Variants in WDR86 observed in about 807,000 individuals in gnomAD.
The protein encoded by WDR86 is WD repeat-containing protein 86.
A neutral mutation model predicts 36.5 loss-of-function variants in WDR86; 30 were observed. The ratio of observed to expected loss-of-function variants is 0.82; its 90% confidence interval spans 0.61 to 1.11. WDR86 has a LOEUF of 1.11. WDR86 is among the 50% of genes most tolerant of loss of function. The pLI, the probability that WDR86 is intolerant of heterozygous loss-of-function variation, is 0.00. For missense variants in WDR86, 545 were observed against 561.2 expected (o/e 0.97, Z 0.29); for synonymous variants, 255 against 252.9 (o/e 1.01, Z -0.08).
chr7:151,387,496 C>T lies in WDR86; in HGVS notation c.727-2273G>A, dbSNP rs540819399. Among the ~76,000 whole-genome samples, 38 of 152,196 alleles carry T rather than the reference C, an allele frequency of 2.5e-4. No individual in the cohort carries two copies. In the East Asian group the frequency reaches 5.2e-3, roughly 21 times the overall value. Reference sequence around the variant, plus strand: ...TGGTTTCCTGACAGGACAGGGAGAGCGGGGTGGCCCAGGGAGGCCTGAGCC... The same window carrying T: ...TGGTTTCCTGACAGGACAGGGAGAGTGGGGTGGCCCAGGGAGGCCTGAGCC... On this transcript the variant is annotated intron_variant, in intron 3 of 5. Transcript: ENST00000334493.
Position 151,381,770 on chromosome 7 carries a change from ACCGGTGACGCGGTAG to A in WDR86, c.967-39_967-25del, listed in dbSNP as rs1262316003. The A allele has an allele frequency of 4.2e-6, 6 of 1,418,412 alleles. No homozygotes were observed. In the East Asian group the frequency reaches 1.1e-4, roughly 26 times the overall value. The allele number at this position is 1,418,412 out of a possible 1,614,324, so 87.9% of individuals were successfully genotyped here. On this transcript the variant is annotated intron_variant, in intron 5 of 5. Coordinates refer to ENST00000334493, the MANE Select transcript of WDR86 (RefSeq NM_198285.3). This position sits in a 1 kb window ranked among gnomAD's most constrained non-coding sequence, Gnocchi z 4.8. ...ACCTGCGGGCGCAGGGGCGGGCGTC[ACCGGTGACGCGGTAG>A]GCGGGGGGGACACCGCTGCCCGCGT...
downstream of WDR86, chr7:151,376,687 C>G: frequency 1.9e-6 from 3 of 1,611,090 alleles, no homozygotes; most frequent in East Asian, 4.5e-5. Flanking sequence ...TGAGAGTGTT[C>G]AGAGGCAACG....
downstream of WDR86, among the ~76,000 whole-genome samples, chr7:151,378,652 G>C (rs1018908387): frequency 1.3e-5 from 2 of 152,192 alleles, no homozygotes; most frequent in Non-Finnish European, 2.9e-5. Context: ...GGTGCATCCT[G>C]GGCAGGGGAC....
chr7:151,394,517 G>T (rs748112020), intron 3 of WDR86, among the ~76,000 whole-genome samples: 2 of 152,190 alleles, frequency 1.3e-5, no homozygotes, highest in African/African-American at 4.8e-5. Flanking sequence ...CGCAGGGGTC[G>T]GACCTGCCCT....
downstream of WDR86, among the ~76,000 whole-genome samples, chr7:151,375,252 T>C (rs1798162212): frequency 6.6e-6 from 1 of 152,220 alleles, no homozygotes; most frequent in South Asian, 2.1e-4. Flanking sequence ...TATCATCTAG[T>C]TCGTTTTTTT....
Position 151,381,339 on chromosome 7 carries a change from G to A in WDR86, c.*243C>T, listed in dbSNP as rs1224017690. The A allele has an allele frequency of 2.9e-6, 4 of 1,388,498 alleles. No individual in the cohort carries two copies. The highest frequency in any genetic ancestry group is 3.7e-6 in the Non-Finnish European group (4 of 1,079,452). 86.0% of individuals were successfully genotyped at this position (1,388,498 alleles called of 1,614,324 possible). On this transcript the variant is annotated 3_prime_UTR_variant, in exon 6 of 6. Transcript: ENST00000334493. This position sits in a 1 kb window ranked among gnomAD's most constrained non-coding sequence, Gnocchi z 4.8. ...GGCCTTTCGCCAGGTCAGGGATGGG[G>A]AGGGAGGACAGGAGCCACCCTAAAA...
At position 151,391,862 on chromosome 7, in the gene WDR86, C is replaced by CGTGAGAGAG. The variant is rs146331732; in HGVS notation, c.726+3913_726+3914insCTCTCTCAC. ...CCCCAGCCCCGCCCCTCCCACGCAC[C>CGTGAGAGAG]GTGAGGCTGACACCTCATCCCACCC... On this transcript the variant is annotated intron_variant, in intron 3 of 5. Coordinates refer to ENST00000334493, the MANE Select transcript of WDR86 (RefSeq NM_198285.3). 1.9e-3 allele frequency among the ~76,000 whole-genome samples: 109 copies of CGTGAGAGAG among 58,808 alleles called. 2 individuals carry two copies. The highest frequency in any genetic ancestry group is 0.018 in the South Asian group (46 of 2,496). 38.6% of individuals were successfully genotyped at this position (58,808 alleles called of 152,430 possible).
intron 4 of WDR86, among the ~76,000 whole-genome samples, chr7:151,383,658 A>G (rs550633674): frequency 6.6e-6 from 1 of 152,304 alleles, no homozygotes; most frequent in East Asian, 1.9e-4. Context: ...GAATGGCCCC[A>G]GAGGGGAAGT....
rs1294687214 is a variant in WDR86, at chr7:151,396,119, T to C, written c.383A>G (p.Gln128Arg). ...TARVWSVDKG[Q>R]MSREFRGHRN... Reference sequence around the variant, plus strand: ...GTGGCCCCGGAACTCCCGGGACATCTGCCCCTTGTCCACACTCCAGACCCG... The same window carrying C: ...GTGGCCCCGGAACTCCCGGGACATCCGCCCCTTGTCCACACTCCAGACCCG... Residue 128 changes from glutamine (Q) to arginine (R), a missense_variant, in exon 3 of 6, where the codon CAG becomes CGG. Physicochemically the swap from Gln to Arg is conservative, Grantham distance 43. Transcript: ENST00000334493. 1.9e-6 allele frequency: 3 copies of C among 1,612,880 alleles called. No homozygotes were observed. Among genetic ancestry groups the C allele is most frequent in the Admixed American group, 1.7e-5 (1 of 60,022 alleles).
Position 151,409,623 on chromosome 7 carries a change from C to A in WDR86, c.-34G>T, listed in dbSNP as rs1801050515. 8.2e-6 allele frequency: 11 copies of A among 1,348,276 alleles called. No homozygotes were observed. The highest frequency in any genetic ancestry group is 1.5e-5 in the African/African-American group (1 of 65,008). The allele number at this position is 1,348,276 out of a possible 1,614,324, so 83.5% of individuals were successfully genotyped here. On this transcript the variant is annotated 5_prime_UTR_variant, in exon 1 of 6. Transcript: ENST00000334493. This position sits in a 1 kb window ranked among gnomAD's most constrained non-coding sequence, Gnocchi z 5.2. ...CAGGGCGGGGAACAAGAAGGAGCTG[C>A]GCCCCGCTAGGGAGGGGCGCCCCGG...
chr7:151,397,658 GGCATAGC>G (rs1799932464), intron 2 of WDR86, among the ~76,000 whole-genome samples: 1 of 27,052 alleles, frequency 3.7e-5, no homozygotes, highest in Non-Finnish European at 1.1e-4. Context: ...CGGGAGGAAG[GGCATAGC>G]GGGAGGAAGA....
At position 151,388,483 on chromosome 7, in the gene WDR86, C is replaced by A. The variant is rs191070045; in HGVS notation, c.727-3260G>T. Among the ~76,000 whole-genome samples, 233 of 152,254 alleles carry A rather than the reference C, an allele frequency of 1.5e-3. No homozygotes were observed. The highest frequency in any genetic ancestry group is 5.5e-3 in the African/African-American group (229 of 41,548). On this transcript the variant is annotated intron_variant, in intron 3 of 5. Coordinates refer to ENST00000334493, the MANE Select transcript of WDR86 (RefSeq NM_198285.3). The surrounding 1 kb of genome is among the most constrained non-coding windows in gnomAD (Gnocchi z 4.2). ...GCAGGGCCACCACAGACAGGGTGCC[C>A]CCTGGCTTTTTGACCTTGGGTTTGT...
rs992287276 is a variant in WDR86 at position 151,409,198 on chromosome 7, C to T, written c.163+229G>A. The T allele has an allele frequency of 1.3e-5, 6 of 479,834 alleles. No individual in the cohort carries two copies. The highest frequency in any genetic ancestry group is 7.9e-6 in the Non-Finnish European group (2 of 253,620). The allele number at this position is 479,834 out of a possible 1,614,324, so 29.7% of individuals were successfully genotyped here. ...ACGCCCCTCGACCCACCCACCCGAT[C>T]CCGGCCGCACCCTGCTCTGCACCCG... On this transcript the variant is annotated intron_variant, in intron 1 of 5. Coordinates refer to ENST00000334493, the MANE Select transcript of WDR86 (RefSeq NM_198285.3). The surrounding 1 kb of genome is among the most constrained non-coding windows in gnomAD (Gnocchi z 5.2).
At chr7:151,374,365 C>A, downstream of WDR86, 1 of 1,278,050 alleles carries the variant, frequency 7.8e-7, no homozygotes, top group Non-Finnish European at 1.1e-6. Flanking sequence ...TCATCCGGAT[C>A]TGAAGGGCAG....
chr7:151,381,594 C>T lies in WDR86; in HGVS notation c.1119G>A (p.Leu373=). Residue 373 remains leucine, a synonymous_variant, in exon 6 of 6, where the codon CTG becomes CTA. Coordinates refer to ENST00000334493, the MANE Select transcript of WDR86 (RefSeq NM_198285.3). The surrounding 1 kb of genome is among the most constrained non-coding windows in gnomAD (Gnocchi z 4.8). ...GGGCCCCGCGGGATCAGGCCGGCTG[C>T]AGGGGCGCGGCGGCGCAGCCCACCT... ...SNKVGCAAAP[L]QPA is the part of the protein sequence containing the mutation. 5.8e-6 allele frequency: 8 copies of T among 1,370,392 alleles called. No individual in the cohort carries two copies. The highest frequency in any genetic ancestry group is 7.5e-6 in the Non-Finnish European group (8 of 1,071,658). The allele number at this position is 1,370,392 out of a possible 1,614,324, so 84.9% of individuals were successfully genotyped here.
At chr7:151,393,540 T>C (rs1235980735) in intron 3 of WDR86, among the ~76,000 whole-genome samples, 1 of 152,164 alleles carries the variant, frequency 6.6e-6, no homozygotes, top group Admixed American at 6.5e-5. Flanking sequence ...ACCTGGCCAG[T>C]GGCCTTTCTA....
downstream of WDR86, chr7:151,376,782 C>T (rs780318073): frequency 1.0e-5 from 16 of 1,590,692 alleles, no homozygotes; most frequent in Middle Eastern, 1.7e-4. Context: ...TCTTTGTCCC[C>T]GCCAGCCACG....
In WDR86 at chr7:151,409,423, C is replaced by A; in HGVS notation, c.163+4G>T. ...GAGGTCAGGGAGGGAGTGGGAGGGT[C>A]TACCTTGCAGGAGCGCGCAGCACTG... On this transcript the variant is annotated splice_donor_region_variant and intron_variant, in intron 1 of 5. Transcript: ENST00000334493. The surrounding 1 kb of genome is among the most constrained non-coding windows in gnomAD (Gnocchi z 5.2). 1 of 1,554,666 alleles carries A rather than the reference C, an allele frequency of 6.4e-7. No individual in the cohort carries two copies.
intron 2 of WDR86, among the ~76,000 whole-genome samples, chr7:151,399,833 C>A (rs1367384708): frequency 4.6e-5 from 7 of 152,236 alleles, no homozygotes; most frequent in African/African-American, 1.7e-4. Context: ...CAGCGGGGAG[C>A]CACTGTGCCC....
Sources: allele counts gnomAD v4.1 joint callset (sites outside exome capture counted in the v4.1 genomes callset), GRCh38; gene constraint gnomAD v4.1.1; non-coding constraint Gnocchi (gnomAD v3.1); transcripts MANE v1.5; gene names NCBI Gene and HGNC (gene_info 2026-07-23, HGNC 2026-07-21).